IREB2: variants seen among roughly 807,000 people sequenced by gnomAD.
IREB2 encodes the protein iron-responsive element-binding protein 2.
IREB2 carries 39 observed loss-of-function variants against 118.8 expected under a neutral mutation model. The ratio of observed to expected loss-of-function variants is 0.33; its 90% confidence interval spans 0.25 to 0.43. IREB2 has a LOEUF of 0.43. Among genes scored for constraint, IREB2 ranks in the 20% least tolerant of loss-of-function variants. The probability of loss-of-function intolerance (pLI) is 1.00; values close to 1 mark genes in which losing one functional copy is unlikely to be tolerated. For synonymous variants in IREB2, 372 were observed against 392.2 expected (o/e 0.95, Z 0.61); for missense variants, 900 against 1,147.3 (o/e 0.78, Z 3.11).
intron 2 of IREB2, among the ~76,000 whole-genome samples, chr15:78,440,997 A>G (rs1025037804): frequency 5.3e-5 from 8 of 152,226 alleles, no homozygotes; most frequent in Admixed American, 2.0e-4. Context: ...TTCCATGACA[A>G]TGACATGAAA....
At chr15:78,443,981 C>G (rs2050886779) in intron 2 of IREB2, among the ~76,000 whole-genome samples, 1 of 152,076 alleles carries the variant, frequency 6.6e-6, no homozygotes, top group Non-Finnish European at 1.5e-5. Context: ...CTGGAGCTGG[C>G]TGTCTGGCAC....
intron 21 of IREB2, 124 bp downstream of exon 21, chr15:78,497,435 T>C (rs998584958): frequency 8.4e-6 from 6 of 711,710 alleles, no homozygotes; most frequent in Admixed American, 2.6e-5. Flanking sequence ...CCATTTAAGA[T>C]GACTCTCTCT....
intron 6 of IREB2, 33 bp downstream of exon 6, chr15:78,470,634 A>G (rs368193089): frequency 1.9e-5 from 22 of 1,163,698 alleles, no homozygotes; most frequent in Non-Finnish European, 2.3e-5. Context: ...TTTGTATTGT[A>G]ATATATAAAC....
intron 16 of IREB2, among the ~76,000 whole-genome samples, chr15:78,489,725 G>A (rs553681676): frequency 5.9e-5 from 9 of 152,140 alleles, no homozygotes; most frequent in Non-Finnish European, 7.4e-5. Context: ...TGCTCAGGCT[G>A]GTCTCAAACT....
Position 78,471,935 on chromosome 15 carries a change from G to T in IREB2, c.883+11G>T. On this transcript the variant is annotated intron_variant, in intron 7 of 21. Coordinates refer to ENST00000258886, the MANE Select transcript of IREB2 (RefSeq NM_004136.4). ...GGATTCTGGGGTGGGGTAAGTAAAT[G>T]ACTAAATATATTTCATTTCTTTTGG... 4 of 1,521,738 alleles carry T rather than the reference G, an allele frequency of 2.6e-6. No individual in the cohort carries two copies. Among genetic ancestry groups the T allele is most frequent in the Non-Finnish European group, 3.5e-6 (4 of 1,129,672 alleles). 94.3% of individuals were successfully genotyped at this position (1,521,738 alleles called of 1,614,324 possible).
chr15:78,477,301 C>T (rs558028004), intron 9 of IREB2, among the ~76,000 whole-genome samples: 179 of 152,190 alleles, frequency 1.2e-3, no homozygotes, highest in Middle Eastern at 0.01. Flanking sequence ...TCAGTGGGGT[C>T]GGTAATTCAG....
chr15:78,488,883 T>C (rs1207752415), intron 16 of IREB2, 112 bp downstream of exon 16: 1 of 662,190 alleles, frequency 1.5e-6, no homozygotes, highest in African/African-American at 1.9e-5. Context: ...GAATACAGTT[T>C]TTAATGTGTA....
At chr15:78,479,785 G>T (rs1041730578) in intron 10 of IREB2, among the ~76,000 whole-genome samples, 1 of 152,124 alleles carries the variant, frequency 6.6e-6, no homozygotes, top group African/African-American at 2.4e-5. Flanking sequence ...TCCAGGAGTA[G>T]TGGCATGCTC....
chr15:78,438,750 G>T, intron 1 of IREB2: 1 of 297,568 alleles, frequency 3.4e-6, no homozygotes, highest in South Asian at 3.9e-5. Flanking sequence ...GCGTCTCCGT[G>T]TTCGGGTCTC....
In IREB2 at chr15:78,499,050, C is replaced by A. The variant is rs941119798; in HGVS notation, c.*907C>A. On this transcript the variant is annotated 3_prime_UTR_variant, in exon 22 of 22. Transcript: ENST00000258886. The stretch of plus-strand genomic sequence containing the variant: ...CAATCATTAAACTCTGAACTGATTT[C>A]TTCTATACATTTAAATTATCCACCC... 1 of 152,206 alleles carries A rather than the reference C, an allele frequency of 6.6e-6. No homozygotes were observed. Among genetic ancestry groups the A allele is most frequent in the African/African-American group, 2.4e-5 (1 of 41,448 alleles). 9.4% of individuals were successfully genotyped at this position (152,206 alleles called of 1,614,324 possible). A position where few individuals can be genotyped will look rare whatever the true frequency, so the allele number is the denominator to read the frequency against.
At chr15:78,468,493 CT>C (rs60945374) in intron 5 of IREB2, among the ~76,000 whole-genome samples, 2,002 of 151,168 alleles carry the variant, frequency 0.013, 64 homozygotes, top group African/African-American at 0.046. Flanking sequence ...GTCATCCCAC[CT>C]TGGCCTCGCA....
At position 78,498,370 on chromosome 15, in the gene IREB2, G is replaced by T; in HGVS notation, c.*227G>T. On this transcript the variant is annotated 3_prime_UTR_variant, in exon 22 of 22. Coordinates refer to ENST00000258886, the MANE Select transcript of IREB2 (RefSeq NM_004136.4). The stretch of plus-strand genomic sequence containing the variant: ...TTGCTAAAATCAACGTGTGAAGTGT[G>T]TTGTGGAAGAGACCTGTAAGTATGG... 3.6e-6 allele frequency: 1 copy of T among 276,658 alleles called. No homozygotes were observed. Among genetic ancestry groups the T allele is most frequent in the Non-Finnish European group, 6.6e-6 (1 of 150,760 alleles). The allele number at this position is 276,658 out of a possible 1,614,324, so 17.1% of individuals were successfully genotyped here. A position where few individuals can be genotyped will look rare whatever the true frequency, so the allele number is the denominator to read the frequency against.
chr15:78,459,599 G>A (rs899079313), intron 2 of IREB2, among the ~76,000 whole-genome samples: 18 of 152,058 alleles, frequency 1.2e-4, no homozygotes, highest in African/African-American at 3.9e-4. Context: ...ATCCACCCAC[G>A]TCGGCCTCCC....
In IREB2 at chr15:78,495,918, T is replaced by C. The variant is rs149665545; in HGVS notation, c.2596-1208T>C. Among the ~76,000 whole-genome samples the C allele has an allele frequency of 4.4e-4, 67 of 152,270 alleles. No homozygotes were observed. In the East Asian group the frequency reaches 0.011, roughly 25 times the overall value. The stretch of plus-strand genomic sequence containing the variant: ...CTTAGGTAGACAGTGGAGAAAAAAG[T>C]TGAAAAACACAAGTCTAGAGCCTTT... On this transcript the variant is annotated intron_variant, in intron 20 of 21. Coordinates refer to ENST00000258886, the MANE Select transcript of IREB2 (RefSeq NM_004136.4).
At chr15:78,474,084 C>T (rs2141493312) in intron 8 of IREB2, 1 of 152,292 alleles carries the variant, frequency 6.6e-6, no homozygotes, top group East Asian at 1.9e-4. Flanking sequence ...GCTTGTTAAG[C>T]ATATTAATAC....
At chr15:78,475,429 A>G (rs2051452495) in intron 8 of IREB2, 1 of 152,210 alleles carries the variant, frequency 6.6e-6, no homozygotes, top group South Asian at 2.1e-4. Context: ...TTGGGCCAGT[A>G]GTTATAATTT....
chr15:78,452,101 C>T (rs1164971198), intron 2 of IREB2, among the ~76,000 whole-genome samples: 3 of 152,120 alleles, frequency 2.0e-5, no homozygotes, highest in Non-Finnish European at 2.9e-5. Flanking sequence ...CCTAGGGAAC[C>T]TAAGTGAGAG....
chr15:78,443,988 G>C (rs149788331), intron 2 of IREB2, among the ~76,000 whole-genome samples: 1 of 152,126 alleles, frequency 6.6e-6, no homozygotes, highest in African/African-American at 2.4e-5. Flanking sequence ...TGGCTGTCTG[G>C]CACTCCCAAT....
intron 10 of IREB2, among the ~76,000 whole-genome samples, chr15:78,479,519 G>C (rs1054887930): frequency 3.3e-5 from 5 of 151,186 alleles, no homozygotes; most frequent in Admixed American, 3.3e-4. Context: ...TTACAGGTGT[G>C]AACCACCAAG....
Sources: gnomAD v4.1 joint callset for allele counts (sites outside exome capture counted in the v4.1 genomes callset) on GRCh38, gnomAD v4.1.1 for gene constraint, MANE v1.5 for transcripts, NCBI Gene and HGNC (gene_info 2026-07-23, HGNC 2026-07-21) for gene names.